The following PCDH15 variants were observed in gnomAD, a reference collection of about 807,000 sequenced individuals.
The protein encoded by PCDH15 is protocadherin related 15, also known as protocadherin-15.
A neutral mutation model predicts 178.5 loss-of-function variants in PCDH15; 129 were observed. The ratio of observed to expected loss-of-function variants is 0.72; its 90% CI spans 0.63 to 0.84. The LOEUF (loss-of-function observed/expected upper bound fraction) is 0.84, where lower values mean the gene tolerates loss of function less well. Among genes scored for constraint, PCDH15 ranks in the 40% least tolerant of loss-of-function variants. The pLI, the probability that PCDH15 is intolerant of heterozygous loss-of-function variation, is 0.00. For missense variants in PCDH15, 2,230 were observed against 2,099.9 expected (o/e 1.06, Z -1.21); for synonymous variants, 800 against 732.0 (o/e 1.09, Z -1.50).
Position 55,150,707 on chromosome 10 carries a change from G to T in PCDH15, c.-80+15869C>A, listed in dbSNP as rs191700844. Among the ~76,000 whole-genome samples the T allele has an allele frequency of 2.2e-3, 330 of 152,126 alleles. 2 individuals carry two copies. Among genetic ancestry groups the T allele is most frequent in the Middle Eastern group, 0.01 (3 of 294 alleles). On this transcript the variant is annotated intron_variant, in intron 2 of 5. Coordinates refer to the PCDH15 transcript ENST00000458638. ...CTCTTAAATGCAGTACTCCTTGACGGTAGAGATATATAAATTACAATTAAA... is the reference window on the plus strand; with the variant it reads ...CTCTTAAATGCAGTACTCCTTGACGTTAGAGATATATAAATTACAATTAAA...
chr10:54,948,125 C>T lies in PCDH15; in HGVS notation c.-79-50625G>A, dbSNP rs753895148. Reference sequence around the variant, plus strand: ...TTCTTCATAGACTATTTGTATACATCGATATTTCTGCAACCAGGATGTAGC... The same window carrying T: ...TTCTTCATAGACTATTTGTATACATTGATATTTCTGCAACCAGGATGTAGC... On this transcript the variant is annotated intron_variant, in intron 2 of 5. Coordinates refer to the PCDH15 transcript ENST00000458638. Among the ~76,000 whole-genome samples the T allele has an allele frequency of 2.6e-5, 4 of 151,570 alleles. 1 individual carries two copies. The highest frequency in any genetic ancestry group is 5.9e-5 in the Non-Finnish European group (4 of 67,836).
intron 1 of PCDH15, among the ~76,000 whole-genome samples, chr10:54,747,064 ATGTC>A: frequency 6.6e-6 from 1 of 152,366 alleles, no homozygotes; most frequent in South Asian, 2.1e-4. Flanking sequence ...CAGTTGTGGA[ATGTC>A]CTCTAGATAA....
chr10:54,316,934 T>C (rs2061313386), intron 8 of PCDH15, among the ~76,000 whole-genome samples: 1 of 152,156 alleles, frequency 6.6e-6, no homozygotes, highest in Non-Finnish European at 1.5e-5. Context: ...TACGACTGCA[T>C]GTTTAAATAT....
chr10:55,535,974 A>T (rs1015524549), intron 2 of PCDH15, among the ~76,000 whole-genome samples: 4 of 152,138 alleles, frequency 2.6e-5, no homozygotes, highest in African/African-American at 7.2e-5. Context: ...GCATTTTAAA[A>T]ATATATATAT....
chr10:55,542,091 TG>T (rs1841772713), intron 2 of PCDH15, among the ~76,000 whole-genome samples: 1 of 151,574 alleles, frequency 6.6e-6, no homozygotes, highest in South Asian at 2.1e-4. Context: ...CAGACAAATA[TG>T]GAAGTACCTC....
chr10:53,957,976 T>C (rs1056972955), intron 23 of PCDH15, among the ~76,000 whole-genome samples: 2 of 152,230 alleles, frequency 1.3e-5, no homozygotes, highest in African/African-American at 4.8e-5. Flanking sequence ...GGTAATTATA[T>C]TACATAATTT....
chr10:54,457,962 G>A (rs2076933835), intron 3 of PCDH15, among the ~76,000 whole-genome samples: 1 of 152,104 alleles, frequency 6.6e-6, no homozygotes, highest in African/African-American at 2.4e-5. Flanking sequence ...TACATCAGTG[G>A]CCACTGAATA....
chr10:54,861,526 C>T (rs1009910320), intron 3 of PCDH15, among the ~76,000 whole-genome samples: 4 of 152,082 alleles, frequency 2.6e-5, no homozygotes, highest in African/African-American at 9.7e-5. Flanking sequence ...ACAGCCATAT[C>T]AGGCATCAAA....
chr10:54,897,659 C>T (rs9888039), intron 2 of PCDH15, among the ~76,000 whole-genome samples: 113,208 of 152,054 alleles, frequency 0.74, 42,511 homozygotes, highest in East Asian at 0.89. Context: ...TATGTTCTTA[C>T]AGCCAGAAAC....
intron 26 of PCDH15, among the ~76,000 whole-genome samples, chr10:53,879,269 A>G (rs997574392): frequency 6.6e-6 from 1 of 152,210 alleles, no homozygotes; most frequent in Non-Finnish European, 1.5e-5. Flanking sequence ...TAAAGAATAA[A>G]TCTGCCACTG....
intron 37 of PCDH15, among the ~76,000 whole-genome samples, chr10:53,807,337 G>GA (rs997915424): frequency 1.2e-4 from 19 of 152,022 alleles, no homozygotes; most frequent in Non-Finnish European, 1.2e-4. Flanking sequence ...ATTAATGTTT[G>GA]AAAAATGTAT....
intron 13 of PCDH15, among the ~76,000 whole-genome samples, chr10:54,182,809 T>G (rs1315794800): frequency 3.3e-5 from 5 of 152,096 alleles, no homozygotes; most frequent in Non-Finnish European, 7.4e-5. Flanking sequence ...ATTTAATATA[T>G]TCAGTATTTT....
chr10:54,453,249 C>T (rs4007218), intron 3 of PCDH15, among the ~76,000 whole-genome samples: 2 of 151,830 alleles, frequency 1.3e-5, no homozygotes, highest in Non-Finnish European at 2.9e-5. Context: ...AGACTTGGAA[C>T]CAACCCAAAT....
At chr10:55,016,184 C>T (rs1051695513) in intron 2 of PCDH15, among the ~76,000 whole-genome samples, 5 of 149,342 alleles carry the variant, frequency 3.3e-5, no homozygotes, top group African/African-American at 1.2e-4. Context: ...TACAGGCATA[C>T]AATGCGTAAT....
chr10:54,719,440 G>A (rs1261101024), intron 1 of PCDH15, among the ~76,000 whole-genome samples: 1 of 152,014 alleles, frequency 6.6e-6, no homozygotes, highest in Non-Finnish European at 1.5e-5. Flanking sequence ...TAAGGAAAAT[G>A]AAGAAATAAT....
intron 2 of PCDH15, among the ~76,000 whole-genome samples, chr10:55,508,256 T>A (rs546313401): frequency 6.6e-6 from 1 of 151,854 alleles, no homozygotes; most frequent in East Asian, 1.9e-4. Flanking sequence ...TTTGGTTCAA[T>A]GAAATTAGCA....
chr10:54,102,903 C>T (rs1382534207), intron 15 of PCDH15, among the ~76,000 whole-genome samples: 1 of 152,184 alleles, frequency 6.6e-6, no homozygotes, highest in Non-Finnish European at 1.5e-5. Context: ...TTTTGGGTCC[C>T]CAAGAATCAA....
chr10:53,848,705 T>C lies in PCDH15; in HGVS notation c.3807-8209A>G, dbSNP rs557416669. Among the ~76,000 whole-genome samples the C allele has an allele frequency of 2.6e-5, 4 of 152,118 alleles. No individual in the cohort carries two copies. In the East Asian group the frequency reaches 7.7e-4, roughly 29 times the overall value. ...CTCCATCATAAGTTGATAAGAACAT[T>C]TTAAACACTTTAAAATTTTGAAGCA... On this transcript the variant is annotated intron_variant, in intron 28 of 37. Transcript: ENST00000644397.
At chr10:54,198,708 A>G (rs2049935406) in intron 10 of PCDH15, among the ~76,000 whole-genome samples, 1 of 95,670 alleles carries the variant, frequency 1.0e-5, no homozygotes, top group Non-Finnish European at 1.9e-5. Context: ...TCACCGTTTT[A>G]GCCGGGATGG....
Sources: gnomAD v4.1 joint callset for allele counts (sites outside exome capture counted in the v4.1 genomes callset) on GRCh38, gnomAD v4.1.1 for gene constraint, MANE v1.5 for transcripts, NCBI Gene and HGNC (gene_info 2026-07-23, HGNC 2026-07-21) for gene names.